The following VPS13C variants were observed in gnomAD, a reference collection of about 807,000 sequenced individuals.
VPS13C encodes intermembrane lipid transfer protein VPS13C.
A neutral mutation model predicts 456.8 loss-of-function variants in VPS13C; 358 were observed. That is an observed-to-expected ratio of 0.78 (90% CI 0.72 to 0.86). The LOEUF is 0.86. VPS13C is among the 40% of genes least tolerant of loss of function. The probability of loss-of-function intolerance (pLI) is 0.00; values close to 1 mark genes in which losing one functional copy is unlikely to be tolerated. For synonymous variants in VPS13C, 1,578 were observed against 1,486.7 expected, an observed-to-expected ratio of 1.06 and a Z score of -1.41; for missense variants, 4,818 against 4,385.4, an observed-to-expected ratio of 1.10 and a Z score of -2.79.
chr15:61,975,180 T>A (rs1393724638), intron 24 of VPS13C, among the ~76,000 whole-genome samples: 3 of 151,996 alleles, frequency 2.0e-5, no homozygotes, highest in Non-Finnish European at 2.9e-5. Flanking sequence ...GGAAAAAAAC[T>A]AAGGTCTCAA....
At position 61,882,754 on chromosome 15, in the gene VPS13C, G is replaced by A. The variant is rs779177090; in HGVS notation, c.9484-18C>T. The A allele has an allele frequency of 3.0e-5, 47 of 1,576,474 alleles. No homozygotes were observed. Among genetic ancestry groups the A allele is most frequent in the Non-Finnish European group, 3.9e-5 (45 of 1,164,498 alleles). On this transcript the variant is annotated intron_variant, in intron 68 of 84. Coordinates refer to ENST00000644861, the MANE Select transcript of VPS13C (RefSeq NM_020821.3). ...AAATTGACCTAGAAAAAAAGCACAT[G>A]TTTTTGTGATGAGCTGATATTAGCA...
Position 61,947,192 on chromosome 15 carries a change from C to A in VPS13C, c.4876+1G>T. ...ACCTACAACAAGAAGTAACTACTTA[C>A]CATGTATTTTAATATCTGCAATGTT... On this transcript the variant is annotated splice_donor_variant, in intron 43 of 84. Coordinates refer to ENST00000644861, the MANE Select transcript of VPS13C (RefSeq NM_020821.3). LOFTEE classifies it high-confidence loss of function. 2 of 1,546,184 alleles carry A rather than the reference C, an allele frequency of 1.3e-6. No homozygotes were observed. The highest frequency in any genetic ancestry group is 1.8e-6 in the Non-Finnish European group (2 of 1,140,876).
At chr15:61,958,560 A>T (rs760490268) in intron 37 of VPS13C, 48 bp downstream of exon 37, 1 of 1,046,096 alleles carries the variant, frequency 9.6e-7, no homozygotes, top group East Asian at 2.7e-5. Flanking sequence ...ACTAAACCAT[A>T]AATAAATAGA....
intron 45 of VPS13C, among the ~76,000 whole-genome samples, chr15:61,943,913 A>AT (rs1190418185): frequency 4.8e-4 from 40 of 83,664 alleles, no homozygotes; most frequent in African/African-American, 2.9e-3. Flanking sequence ...TCCAGAATCT[A>AT]TAAAAAAAAA....
chr15:61,907,743 T>C (rs2043191195), intron 65 of VPS13C, among the ~76,000 whole-genome samples: 2 of 152,130 alleles, frequency 1.3e-5, no homozygotes, highest in Non-Finnish European at 2.9e-5. Context: ...ATTCAGTGCT[T>C]AAATTTAAAC....
chr15:61,962,031 T>G (rs1301736147), intron 34 of VPS13C, 138 bp from the exon 35 acceptor site: 3 of 987,032 alleles, frequency 3.0e-6, no homozygotes, highest in Middle Eastern at 4.7e-4. Flanking sequence ...TTTCTAGCAG[T>G]ATTAAGAAAT....
At chr15:61,872,754 A>G (rs922618640) in intron 78 of VPS13C, among the ~76,000 whole-genome samples, 4 of 152,130 alleles carry the variant, frequency 2.6e-5, no homozygotes, top group African/African-American at 9.6e-5. Context: ...TTATTTACTT[A>G]TTAACAATAA....
At chr15:62,024,627 T>C (rs2047572817) in intron 6 of VPS13C, among the ~76,000 whole-genome samples, 2 of 152,068 alleles carry the variant, frequency 1.3e-5, no homozygotes, top group Admixed American at 6.6e-5. Flanking sequence ...TTGATGTCTT[T>C]TAAAATACTA....
chr15:61,857,776 G>A (rs939742557), intron 82 of VPS13C, among the ~76,000 whole-genome samples: 1 of 152,164 alleles, frequency 6.6e-6, no homozygotes, highest in Non-Finnish European at 1.5e-5. Flanking sequence ...CAGTGGCTCT[G>A]AGAAGGGGGA....
intron 76 of VPS13C, 68 bp downstream of exon 76, chr15:61,875,664 A>G (rs1328846587): frequency 9.4e-7 from 1 of 1,062,820 alleles, no homozygotes; most frequent in Non-Finnish European, 1.4e-6. Flanking sequence ...GCAAATTACT[A>G]TTTGTTATTA....
rs151180082 is a variant in VPS13C, at chr15:61,873,266, C to G, written c.10558G>C (p.Gly3520Arg). The change falls in exon 78 of 85, where the codon GGA (glycine) becomes CGA (arginine). Residue 3520 changes from glycine to arginine, a missense_variant. Transcript: ENST00000644861. The stretch of plus-strand genomic sequence containing the variant: ...CTTACTCGCAGAAAGCCCTTTCCTC[C>G]TCTGGCCAGGCTGTCTCCAAAATCT... ...PRDFGDSLARGGKGFLRGVVG... is the reference protein window; with the variant it reads ...PRDFGDSLARRGKGFLRGVVG... The G allele has an allele frequency of 6.4e-5, 104 of 1,613,444 alleles. 1 individual carries two copies. The highest frequency in any genetic ancestry group is 8.6e-5 in the Non-Finnish European group (101 of 1,179,672).
chr15:62,015,594 C>T (rs1324283471), intron 9 of VPS13C, among the ~76,000 whole-genome samples: 3 of 144,092 alleles, frequency 2.1e-5, no homozygotes, highest in East Asian at 4.1e-4. Context: ...TACTATGCAG[C>T]CATAAAAAAT....
At chr15:61,936,353 T>C (rs960728484) in intron 48 of VPS13C, among the ~76,000 whole-genome samples, 3 of 152,134 alleles carry the variant, frequency 2.0e-5, no homozygotes, top group African/African-American at 4.8e-5. Context: ...CAGTGCCTAG[T>C]GAATTCAGCA....
At chr15:62,001,125 T>C (rs2046597477) in intron 15 of VPS13C, among the ~76,000 whole-genome samples, 1 of 152,188 alleles carries the variant, frequency 6.6e-6, no homozygotes, top group African/African-American at 2.4e-5. Context: ...GAATCCAACA[T>C]TAACCAGGTG....
At chr15:62,016,411 T>TCCCTCCC (rs2047250006) in intron 9 of VPS13C, among the ~76,000 whole-genome samples, 3 of 124,096 alleles carry the variant, frequency 2.4e-5, no homozygotes, top group Non-Finnish European at 3.3e-5. Context: ...CTTAATGCTA[T>TCCCTCCC]CCCTCCCCCC....
intron 77 of VPS13C, among the ~76,000 whole-genome samples, chr15:61,874,590 C>A (rs891843803): frequency 1.3e-5 from 2 of 151,758 alleles, no homozygotes; most frequent in Non-Finnish European, 2.9e-5. Flanking sequence ...CTGTCTCATA[C>A]AAAAAATGCA....
intron 51 of VPS13C, among the ~76,000 whole-genome samples, chr15:61,928,234 T>C (rs529058569): frequency 6.6e-6 from 1 of 152,264 alleles, no homozygotes; most frequent in South Asian, 2.1e-4. Flanking sequence ...AAGTTCTTTT[T>C]ATCAGAATTA....
Position 61,852,946 on chromosome 15 carries a change from G to C in VPS13C, c.*1511C>G, listed in dbSNP as rs1346045815. On this transcript the variant is annotated 3_prime_UTR_variant, in exon 85 of 85. Transcript: ENST00000644861. ...CCACTATCACACATAAACAAAAATA[G>C]AGCAAACCAAGCGTGTCCACATCTC... 6 of 152,048 alleles carry C rather than the reference G, an allele frequency of 3.9e-5. No individual in the cohort carries two copies. The highest frequency in any genetic ancestry group is 1.4e-4 in the African/African-American group (6 of 41,406). 9.4% of individuals were successfully genotyped at this position (152,048 alleles called of 1,614,324 possible).
At chr15:61,855,756 T>C (rs1322815244) in intron 83 of VPS13C, among the ~76,000 whole-genome samples, 1 of 152,060 alleles carries the variant, frequency 6.6e-6, no homozygotes, top group Non-Finnish European at 1.5e-5. Context: ...AAAATAAATT[T>C]ATAATATATA....
Sources: gnomAD v4.1 joint callset for allele counts (sites outside exome capture counted in the v4.1 genomes callset) on GRCh38, gnomAD v4.1.1 for gene constraint, MANE v1.5 for transcripts, NCBI Gene and HGNC (gene_info 2026-07-23, HGNC 2026-07-21) for gene names.